Variants in FGF12 observed in about 807,000 individuals in gnomAD.
FGF12 encodes fibroblast growth factor 12, also known as fibroblast growth factor 12B.
In FGF12, 14 loss-of-function variants were observed where a neutral mutation model predicts 23.6. That is an observed-to-expected ratio of 0.59 (90% confidence interval 0.39 to 0.93). FGF12 has a LOEUF of 0.93. Among genes scored for constraint, FGF12 ranks in the 40% least tolerant of loss-of-function variants. The pLI, the probability that FGF12 is intolerant of heterozygous loss-of-function variation, is 0.00. For missense variants in FGF12, 175 were observed against 217.8 expected, an observed-to-expected ratio of 0.80 and a Z score of 1.24; for synonymous variants, 62 against 77.3, an observed-to-expected ratio of 0.80 and a Z score of 1.04.
intron 5 of FGF12, among the ~76,000 whole-genome samples, chr3:192,155,503 G>C (rs571730085): frequency 2.0e-5 from 3 of 152,104 alleles, no homozygotes; most frequent in African/African-American, 7.2e-5. Flanking sequence ...TCATTTGGGC[G>C]ATCTAAAACA....
intron 4 of FGF12, among the ~76,000 whole-genome samples, chr3:192,250,844 A>T (rs1183270748): frequency 6.6e-6 from 1 of 152,082 alleles, no homozygotes; most frequent in Non-Finnish European, 1.5e-5. Context: ...ATGTTCATTT[A>T]TTTAAAATCA....
At chr3:192,433,871 T>C (rs1721935487) in intron 2 of FGF12, among the ~76,000 whole-genome samples, 1 of 152,236 alleles carries the variant, frequency 6.6e-6, no homozygotes, top group South Asian at 2.1e-4. Flanking sequence ...TTTTGTGCCA[T>C]GCCCCACACT....
intron 2 of FGF12, among the ~76,000 whole-genome samples, chr3:192,545,588 A>C (rs116270699): frequency 1.0e-3 from 154 of 152,356 alleles, no homozygotes; most frequent in Non-Finnish European, 1.7e-3. Flanking sequence ...CGAGTGACAC[A>C]TGGTGAAGAG....
intron 2 of FGF12, among the ~76,000 whole-genome samples, chr3:192,393,598 T>C (rs1203714565): frequency 1.3e-5 from 2 of 151,946 alleles, no homozygotes; most frequent in African/African-American, 4.8e-5. Flanking sequence ...ACTGTAATCA[T>C]ACTGCACAGA....
intron 4 of FGF12, among the ~76,000 whole-genome samples, chr3:192,310,714 T>C (rs915906541): frequency 6.6e-6 from 1 of 152,172 alleles, no homozygotes; most frequent in Non-Finnish European, 1.5e-5. Flanking sequence ...TTAAGAGATA[T>C]GTATAATTTT....
chr3:192,509,482 T>C (rs1724406814), intron 2 of FGF12, among the ~76,000 whole-genome samples: 1 of 152,218 alleles, frequency 6.6e-6, no homozygotes, highest in African/African-American at 2.4e-5. Flanking sequence ...GAGATAACTC[T>C]TCCTCTCCTA....
At chr3:192,658,953 A>G (rs1716549240) in intron 2 of FGF12, among the ~76,000 whole-genome samples, 1 of 152,190 alleles carries the variant, frequency 6.6e-6, no homozygotes, top group South Asian at 2.1e-4. Flanking sequence ...GGTAAGTCAT[A>G]CATGGCCCCT....
chr3:192,220,060 C>A (rs990333820), intron 4 of FGF12, among the ~76,000 whole-genome samples: 1 of 151,990 alleles, frequency 6.6e-6, no homozygotes, highest in Non-Finnish European at 1.5e-5. Flanking sequence ...TGCCATTGTT[C>A]CAGTCCAGGC....
At chr3:192,537,964 G>A (rs868830887) in intron 2 of FGF12, among the ~76,000 whole-genome samples, 1 of 63,664 alleles carries the variant, frequency 1.6e-5, no homozygotes, top group Non-Finnish European at 3.9e-5. Flanking sequence ...TTTTTTTTTT[G>A]AGATGGAGTT....
At chr3:192,428,332 C>G (rs1282300229) in intron 2 of FGF12, among the ~76,000 whole-genome samples, 1 of 151,938 alleles carries the variant, frequency 6.6e-6, no homozygotes, top group Non-Finnish European at 1.5e-5. Flanking sequence ...AGGGAAGAAT[C>G]AGGAGAGGAA....
intron 2 of FGF12, among the ~76,000 whole-genome samples, chr3:192,376,488 G>A (rs1002280853): frequency 1.2e-4 from 18 of 151,846 alleles, no homozygotes; most frequent in South Asian, 6.2e-4. Context: ...TCAGCCTCCC[G>A]AGTAGCTGGG....
intron 2 of FGF12, among the ~76,000 whole-genome samples, chr3:192,379,421 T>C (rs1411958352): frequency 1.0e-5 from 1 of 96,334 alleles, no homozygotes. Context: ...GAAACTGCTC[T>C]AAAAAAAAAA....
intron 2 of FGF12, among the ~76,000 whole-genome samples, chr3:192,700,077 C>T (rs1718244425): frequency 6.6e-6 from 1 of 152,204 alleles, no homozygotes. Context: ...AAAATCACTT[C>T]AGATGCCTGA....
At chr3:192,493,495 G>T (rs900648621) in intron 2 of FGF12, among the ~76,000 whole-genome samples, 5 of 152,138 alleles carry the variant, frequency 3.3e-5, no homozygotes, top group East Asian at 1.9e-4. Flanking sequence ...AGGCCTCAAA[G>T]AATGTATTCG....
At chr3:192,312,421 T>C (rs551688106) in intron 4 of FGF12, among the ~76,000 whole-genome samples, 36 of 150,648 alleles carry the variant, frequency 2.4e-4, no homozygotes, top group Admixed American at 1.9e-3. Context: ...TTTTTTTTTT[T>C]CTGCTACCAT....
intron 2 of FGF12, among the ~76,000 whole-genome samples, chr3:192,433,791 G>A (rs188932595): frequency 2.3e-4 from 35 of 152,230 alleles, no homozygotes; most frequent in Admixed American, 2.3e-3. Flanking sequence ...AATTTCCCAC[G>A]ATTAATTCCT....
intron 2 of FGF12, chr3:192,726,757 C>A: frequency 5.0e-6 from 1 of 199,304 alleles, no homozygotes; most frequent in South Asian, 1.2e-4. Context: ...TGGTGAAATT[C>A]AAACATTTTT....
chr3:192,638,468 G>A (rs535187738), intron 2 of FGF12, among the ~76,000 whole-genome samples: 1 of 152,150 alleles, frequency 6.6e-6, no homozygotes, highest in Non-Finnish European at 1.5e-5. Context: ...GCGGGGAAGA[G>A]GGAAAGATTT....
At chr3:192,697,230 C>A (rs1451028348) in intron 2 of FGF12, among the ~76,000 whole-genome samples, 2 of 152,188 alleles carry the variant, frequency 1.3e-5, no homozygotes, top group East Asian at 3.9e-4. Context: ...TAGAAAAACA[C>A]ACAGCTCTCT....
Sources: allele counts gnomAD v4.1 joint callset (sites outside exome capture counted in the v4.1 genomes callset), GRCh38; gene constraint gnomAD v4.1.1; transcripts MANE v1.5; gene names NCBI Gene and HGNC (gene_info 2026-07-23, HGNC 2026-07-21).